The following FLRT1 variants were observed in gnomAD, a reference collection of about 807,000 sequenced individuals.
The protein encoded by FLRT1 is leucine-rich repeat transmembrane protein FLRT1.
Under a neutral mutation model 30.9 loss-of-function variants are expected in FLRT1, and 14 were observed. The ratio of observed to expected loss-of-function variants is 0.45; its 90% CI spans 0.30 to 0.71. The LOEUF is 0.71. FLRT1 is among the 30% of genes least tolerant of loss of function. FLRT1 has a pLI of 0.08. For synonymous variants in FLRT1, 368 were observed against 430.4 expected (o/e 0.85, Z 1.80); for missense variants, 737 against 949.2 (o/e 0.78, Z 2.94).
chr11:64,108,751 G>A (rs1005332768), intron 2 of FLRT1, among the ~76,000 whole-genome samples: 1 of 152,224 alleles, frequency 6.6e-6, no homozygotes, highest in Non-Finnish European at 1.5e-5. Flanking sequence ...CAAGGTTTAG[G>A]GGAGACACAT....
rs146547511 is a variant in FLRT1, at chr11:64,070,640, C to T, written c.-1037-32554C>T. Among the ~76,000 whole-genome samples, 468 of 152,256 alleles carry T rather than the reference C, an allele frequency of 3.1e-3. 2 individuals carry two copies. Among genetic ancestry groups the T allele is most frequent in the African/African-American group, 9.7e-3 (405 of 41,556 alleles). On this transcript the variant is annotated intron_variant, in intron 1 of 2. Coordinates refer to ENST00000682287, the MANE Select transcript of FLRT1 (RefSeq NM_013280.5). Reference sequence around the variant, plus strand: ...AGGAGAAAGCACCATAACTAACACTCGGGCTGGGGCCTCAGGGGCCTCCCA... The same window carrying T: ...AGGAGAAAGCACCATAACTAACACTTGGGCTGGGGCCTCAGGGGCCTCCCA...
intron 1 of FLRT1, among the ~76,000 whole-genome samples, chr11:64,070,216 G>A (rs1302503552): frequency 2.0e-5 from 3 of 152,130 alleles, no homozygotes; most frequent in Admixed American, 1.3e-4. Context: ...GTGAATCCCT[G>A]CTGCACCAAG....
Position 64,117,971 on chromosome 11 carries a change from G to C in FLRT1, c.1704G>C (p.Leu568=), listed in dbSNP as rs554837203. The C allele has an allele frequency of 6.2e-7, 1 of 1,613,652 alleles. No homozygotes were observed. The highest frequency in any genetic ancestry group is 1.3e-5 in the African/African-American group (1 of 74,944). ...CAGTGGCTCTGGTCTTCCTCTTCCT[G>C]GTCCTGGGGGCCATCTGCTGGTACG... ...GGAVALVFLF[L]VLGAICWYVH... is the part of the protein sequence containing the mutation. The change falls in exon 3 of 3, where the codon CTG becomes CTC. Residue 568 remains leucine, a synonymous_variant. Transcript: ENST00000682287.
intron 1 of FLRT1, among the ~76,000 whole-genome samples, chr11:64,049,200 C>A (rs1388324155): frequency 6.6e-6 from 1 of 152,178 alleles, no homozygotes; most frequent in Non-Finnish European, 1.5e-5. Context: ...CATAGTCCCA[C>A]TCTTGGAAGG....
At chr11:64,115,488 GAA>G (rs1334320437) in intron 2 of FLRT1, among the ~76,000 whole-genome samples, 1 of 152,084 alleles carries the variant, frequency 6.6e-6, no homozygotes, top group East Asian at 1.9e-4. Context: ...CACCTCTGAT[GAA>G]AAGAGATTTC....
chr11:64,069,134 C>T (rs1056212077), intron 1 of FLRT1, among the ~76,000 whole-genome samples: 3 of 152,204 alleles, frequency 2.0e-5, no homozygotes, highest in African/African-American at 7.2e-5. Context: ...GTGTCCAGCA[C>T]TTCTCCCAAC....
rs1482062015 is a variant in FLRT1, at chr11:64,116,592, C to T, written c.325C>T (p.Gln109Ter). 6.2e-7 allele frequency: 1 copy of T among 1,614,134 alleles called. No homozygotes were observed. The highest frequency in any genetic ancestry group is 1.1e-5 in the South Asian group (1 of 91,084). Reference protein sequence around the residue: ...PQDLKTKVNVQVIYLYENDLD... With the variant: ...PQDLKTKVNV ...GGACCTCAAGACCAAGGTCAACGTG[C>T]AGGTCATCTACCTATACGAGAATGA... The change falls in exon 3 of 3, where the codon CAG (glutamine) becomes TAG (stop). Residue 109 changes from glutamine to a stop codon, truncating the protein, a stop_gained. Coordinates refer to ENST00000682287, the MANE Select transcript of FLRT1 (RefSeq NM_013280.5). LOFTEE classifies it high-confidence loss of function.
intron 1 of FLRT1, among the ~76,000 whole-genome samples, chr11:64,038,578 A>C (rs1045209595): frequency 1.7e-4 from 26 of 152,108 alleles, no homozygotes; most frequent in Non-Finnish European, 8.8e-5. Context: ...GGCCTCCAGG[A>C]TCTAGCTGGG....
intron 1 of FLRT1, among the ~76,000 whole-genome samples, chr11:64,052,280 T>C (rs914519605): frequency 6.6e-6 from 1 of 152,178 alleles, no homozygotes; most frequent in Middle Eastern, 3.2e-3. Context: ...CTTTTTTTGC[T>C]GTGAGGCCTT....
At position 64,082,188 on chromosome 11, in the gene FLRT1, GCAGGCGCGA is replaced by G. The variant is rs1944315943; in HGVS notation, c.-1037-21005_-1037-20997del. On this transcript the variant is annotated intron_variant, in intron 1 of 2. Transcript: ENST00000682287. The surrounding 1 kb of genome is among the most constrained non-coding windows in gnomAD (Gnocchi z 4.5). Reference sequence around the variant, plus strand: ...AGCCAGGAGCAGGCCAGAGCCAGGAGCAGGCGCGAAACATCCCTTAAATATTGGTGCTCT... The same window carrying G: ...AGCCAGGAGCAGGCCAGAGCCAGGAGAACATCCCTTAAATATTGGTGCTCT... 1 of 152,402 alleles carries G rather than the reference GCAGGCGCGA, an allele frequency of 6.6e-6. No individual in the cohort carries two copies. Among genetic ancestry groups the G allele is most frequent in the Non-Finnish European group, 1.5e-5 (1 of 68,228 alleles). 9.4% of individuals were successfully genotyped at this position (152,402 alleles called of 1,614,324 possible). A position where few individuals can be genotyped will look rare whatever the true frequency, so the allele number is the denominator to read the frequency against.
chr11:64,115,825 G>C (rs1408726264), intron 2 of FLRT1, among the ~76,000 whole-genome samples: 1 of 152,162 alleles, frequency 6.6e-6, no homozygotes, highest in Non-Finnish European at 1.5e-5. Flanking sequence ...ATATTGACTG[G>C]TACCTTTAGC....
At chr11:64,037,409 G>T (rs1285152589) in intron 1 of FLRT1, among the ~76,000 whole-genome samples, 1 of 152,164 alleles carries the variant, frequency 6.6e-6, no homozygotes, top group Non-Finnish European at 1.5e-5. Context: ...CATCTCTTCC[G>T]CCAGCCCCGG....
chr11:64,053,014 C>T (rs991773044), intron 1 of FLRT1, among the ~76,000 whole-genome samples: 3 of 152,216 alleles, frequency 2.0e-5, no homozygotes, highest in African/African-American at 7.2e-5. Context: ...CGGTTGCTTA[C>T]ACCCCGGGCT....
chr11:64,081,314 G>A (rs577856231), intron 1 of FLRT1, among the ~76,000 whole-genome samples: 2 of 152,200 alleles, frequency 1.3e-5, no homozygotes, highest in African/African-American at 4.8e-5. Context: ...GAGCCACCAC[G>A]CCCAGCCTAC....
Position 64,064,124 on chromosome 11 carries a change from C to A in FLRT1, c.-1038+27965C>A, listed in dbSNP as rs1242779964. ...CCCCTATCTCTCCAAGCCCCTCGGT[C>A]TCTCCCACTCTCCCTTTCAGCATCT... On this transcript the variant is annotated intron_variant, in intron 1 of 2. Coordinates refer to ENST00000682287, the MANE Select transcript of FLRT1 (RefSeq NM_013280.5). The surrounding 1 kb of genome is among the most constrained non-coding windows in gnomAD (Gnocchi z 4.5). Among the ~76,000 whole-genome samples, 1 of 152,198 alleles carries A rather than the reference C, an allele frequency of 6.6e-6. No homozygotes were observed. Among genetic ancestry groups the A allele is most frequent in the Non-Finnish European group, 1.5e-5 (1 of 68,036 alleles).
chr11:64,105,769 G>A (rs1251243391), intron 2 of FLRT1, among the ~76,000 whole-genome samples: 1 of 152,190 alleles, frequency 6.6e-6, no homozygotes, highest in Non-Finnish European at 1.5e-5. Flanking sequence ...CTGGGAAAGG[G>A]TTACAGTTGG....
chr11:64,104,798 CAG>C (rs1944730132), intron 2 of FLRT1, among the ~76,000 whole-genome samples: 1 of 152,190 alleles, frequency 6.6e-6, no homozygotes, highest in South Asian at 2.1e-4. Flanking sequence ...CAGAGAAGGG[CAG>C]AGAGTGCCCC....
intron 1 of FLRT1, among the ~76,000 whole-genome samples, chr11:64,091,825 G>A (rs1169090768): frequency 2.6e-5 from 4 of 152,168 alleles, no homozygotes; most frequent in African/African-American, 7.2e-5. Flanking sequence ...TCCCCCAGGA[G>A]GCTGCTGAGG....
At chr11:64,071,973 G>A (rs1944115770) in intron 1 of FLRT1, among the ~76,000 whole-genome samples, 1 of 152,220 alleles carries the variant, frequency 6.6e-6, no homozygotes, top group African/African-American at 2.4e-5. Context: ...GCTGCCGAGG[G>A]GAACGGGCTG....
Sources: gnomAD v4.1 joint callset for allele counts (sites outside exome capture counted in the v4.1 genomes callset) on GRCh38, gnomAD v4.1.1 for gene constraint, Gnocchi (gnomAD v3.1) non-coding constraint, MANE v1.5 for transcripts, NCBI Gene and HGNC (gene_info 2026-07-23, HGNC 2026-07-21) for gene names.